FSTL5: variants seen among roughly 807,000 people sequenced by gnomAD.
FSTL5 encodes follistatin-related protein 5.
In FSTL5, 62 loss-of-function variants were observed where a neutral mutation model predicts 89.1. That is an observed-to-expected ratio of 0.70 (90% CI 0.57 to 0.86). The LOEUF is 0.86. FSTL5 is among the 40% of genes least tolerant of loss of function. The pLI, the probability that FSTL5 is intolerant of heterozygous loss-of-function variation, is 0.00. For missense variants in FSTL5, 1,057 were observed against 1,001.6 expected (o/e 1.06, Z -0.75); for synonymous variants, 383 against 346.2 (o/e 1.11, Z -1.18).
chr4:161,849,380 G>C (rs919015514), intron 4 of FSTL5, among the ~76,000 whole-genome samples: 14 of 151,912 alleles, frequency 9.2e-5, no homozygotes, highest in African/African-American at 1.2e-4. Context: ...CAACAGCATG[G>C]AAGCTATTCA....
chr4:162,072,028 T>A (rs4691810), intron 2 of FSTL5, among the ~76,000 whole-genome samples: 142,515 of 151,576 alleles, frequency 0.94, 67,125 homozygotes, highest in Non-Finnish European at 0.98. Flanking sequence ...ATTAGATGTG[T>A]CATTGACATA....
chr4:161,831,006 A>G (rs1303037566), intron 4 of FSTL5, among the ~76,000 whole-genome samples: 1 of 151,900 alleles, frequency 6.6e-6, no homozygotes, highest in African/African-American at 2.4e-5. Context: ...CACAACTCAA[A>G]TGTTCTCCTA....
At chr4:161,828,985 C>T (rs145227711) in intron 4 of FSTL5, among the ~76,000 whole-genome samples, 1 of 151,674 alleles carries the variant, frequency 6.6e-6, no homozygotes, top group African/African-American at 2.4e-5. Flanking sequence ...TTGTCTTTGA[C>T]CAAGTCTCAG....
intron 12 of FSTL5, among the ~76,000 whole-genome samples, chr4:161,492,625 T>C (rs1053239328): frequency 6.6e-6 from 1 of 152,146 alleles, no homozygotes; most frequent in African/African-American, 2.4e-5. Context: ...CTGCCACTAA[T>C]TTGCCAAACA....
At position 161,674,365 on chromosome 4, in the gene FSTL5, A is replaced by G. The variant is rs1414004002; in HGVS notation, c.728-17871T>C. On this transcript the variant is annotated intron_variant, in intron 6 of 15. Transcript: ENST00000306100. The stretch of plus-strand genomic sequence containing the variant: ...GATTTGATACAGCAGATTCAGTGCA[A>G]GTTATGTACAGAATAAAAGACGGAA... 2.0e-5 allele frequency among the ~76,000 whole-genome samples: 3 copies of G among 152,156 alleles called. No homozygotes were observed. The East Asian group carries it at 5.8e-4, about 29-fold the overall frequency.
chr4:161,842,017 A>C (rs530946552), intron 4 of FSTL5, among the ~76,000 whole-genome samples: 10 of 152,302 alleles, frequency 6.6e-5, no homozygotes, highest in African/African-American at 2.4e-4. Flanking sequence ...GGACTCCAAC[A>C]GAGCGAGGAC....
chr4:161,878,737 C>A (rs1451718738), intron 4 of FSTL5, among the ~76,000 whole-genome samples: 2 of 151,928 alleles, frequency 1.3e-5, no homozygotes, highest in African/African-American at 2.4e-5. Context: ...TATTAGTGTT[C>A]CTGAAAAGAT....
At chr4:161,394,918 G>A (rs1730948386) in intron 15 of FSTL5, among the ~76,000 whole-genome samples, 1 of 152,074 alleles carries the variant, frequency 6.6e-6, no homozygotes, top group Admixed American at 6.6e-5. Flanking sequence ...TGACTCCTAT[G>A]TTTTCCTTGA....
chr4:161,901,752 T>C (rs1313392434), intron 4 of FSTL5, among the ~76,000 whole-genome samples: 1 of 152,098 alleles, frequency 6.6e-6, no homozygotes, highest in East Asian at 1.9e-4. Flanking sequence ...CTTGGCAACA[T>C]GGTGAAACCC....
chr4:161,889,446 C>A (rs937107526), intron 4 of FSTL5, among the ~76,000 whole-genome samples: 5 of 152,054 alleles, frequency 3.3e-5, no homozygotes, highest in African/African-American at 4.8e-5. Flanking sequence ...GAGTTCGAGA[C>A]CAGCCTGGCC....
At chr4:161,411,762 T>A (rs1218956623) in intron 15 of FSTL5, among the ~76,000 whole-genome samples, 1 of 152,086 alleles carries the variant, frequency 6.6e-6, no homozygotes, top group African/African-American at 2.4e-5. Flanking sequence ...ACCATCCCCT[T>A]TGAGAACTGG....
chr4:161,841,458 T>C (rs909004772), intron 4 of FSTL5, among the ~76,000 whole-genome samples: 1 of 152,168 alleles, frequency 6.6e-6, no homozygotes, highest in Admixed American at 6.6e-5. Flanking sequence ...AAATGTGCTT[T>C]AAGGCTCCTT....
At chr4:161,388,571 T>C (rs1275674061) in intron 15 of FSTL5, among the ~76,000 whole-genome samples, 3 of 152,084 alleles carry the variant, frequency 2.0e-5, no homozygotes, top group Non-Finnish European at 2.9e-5. Context: ...ACATATAACA[T>C]TTTTCTATTA....
chr4:161,822,958 C>A (rs1730538886), intron 4 of FSTL5, among the ~76,000 whole-genome samples: 1 of 152,156 alleles, frequency 6.6e-6, no homozygotes, highest in South Asian at 2.1e-4. Flanking sequence ...AGCTCTGTAC[C>A]ACAGGCAGGC....
chr4:161,953,363 C>A (rs1734947940), intron 3 of FSTL5, among the ~76,000 whole-genome samples: 1 of 151,334 alleles, frequency 6.6e-6, no homozygotes, highest in Non-Finnish European at 1.5e-5. Context: ...TAAATGTATA[C>A]TTTTAATTTT....
intron 7 of FSTL5, among the ~76,000 whole-genome samples, chr4:161,651,965 T>C (rs891101025): frequency 1.1e-4 from 16 of 152,172 alleles, no homozygotes; most frequent in Admixed American, 5.9e-4. Context: ...AGCTGTAACA[T>C]ACAAGGGTTA....
intron 6 of FSTL5, among the ~76,000 whole-genome samples, chr4:161,757,754 G>A (rs2126788043): frequency 6.6e-6 from 1 of 152,152 alleles, no homozygotes; most frequent in Admixed American, 6.5e-5. Flanking sequence ...GAGTAGCTGG[G>A]ATTACAGGCG....
At chr4:161,526,371 T>C (rs1367158879) in intron 10 of FSTL5, among the ~76,000 whole-genome samples, 1 of 152,172 alleles carries the variant, frequency 6.6e-6, no homozygotes, top group Non-Finnish European at 1.5e-5. Flanking sequence ...TTCCAAAGGA[T>C]GTATTATTCT....
intron 15 of FSTL5, among the ~76,000 whole-genome samples, chr4:161,399,259 C>T (rs1192836827): frequency 1.3e-5 from 2 of 152,076 alleles, no homozygotes; most frequent in East Asian, 3.9e-4. Flanking sequence ...TAACTTTTCA[C>T]TCCCCAGAAA....
Sources: gnomAD v4.1 joint callset for allele counts (sites outside exome capture counted in the v4.1 genomes callset) on GRCh38, gnomAD v4.1.1 for gene constraint, MANE v1.5 for transcripts, NCBI Gene and HGNC (gene_info 2026-07-23, HGNC 2026-07-21) for gene names.